PARD3B: variants seen among roughly 807,000 people sequenced by gnomAD.
The protein encoded by PARD3B is par-3 family cell polarity regulator beta.
Under a neutral mutation model 130.2 loss-of-function variants are expected in PARD3B, and 103 were observed. The ratio of observed to expected loss-of-function variants is 0.79; its 90% CI spans 0.67 to 0.93. The LOEUF (loss-of-function observed/expected upper bound fraction) is 0.93, where lower values mean the gene tolerates loss of function less well. Ranked by LOEUF, PARD3B falls within the 40% of genes least tolerant of loss-of-function variation. PARD3B has a pLI of 0.00. For synonymous variants in PARD3B, 583 were observed against 553.2 expected (o/e 1.05, Z -0.76); for missense variants, 1,609 against 1,499.2 (o/e 1.07, Z -1.21).
intron 19 of PARD3B, among the ~76,000 whole-genome samples, chr2:205,412,762 T>C (rs1378058130): frequency 6.6e-6 from 1 of 152,208 alleles, no homozygotes; most frequent in African/African-American, 2.4e-5. Context: ...TGGAATGCTC[T>C]TCTGTCTGAG....
At chr2:205,595,871 A>AG (rs1241486771) in intron 22 of PARD3B, among the ~76,000 whole-genome samples, 2 of 151,984 alleles carry the variant, frequency 1.3e-5, no homozygotes, top group African/African-American at 2.4e-5. Flanking sequence ...AGGTCATGGG[A>AG]GGGGGGTTAT....
intron 11 of PARD3B, among the ~76,000 whole-genome samples, chr2:205,168,072 G>A (rs1207511813): frequency 6.6e-5 from 10 of 152,112 alleles, no homozygotes; most frequent in East Asian, 1.9e-4. Context: ...AGGTTTTTTC[G>A]TTCTAAAGTG....
rs559717447 is a variant in PARD3B at position 204,934,511 on chromosome 2, A to G, written c.223-30641A>G. Reference sequence around the variant, plus strand: ...ACATGATCAATTCATTGATTACTCAATTACACTCAGTGACGTGTCCCTTGA... The same window carrying G: ...ACATGATCAATTCATTGATTACTCAGTTACACTCAGTGACGTGTCCCTTGA... On this transcript the variant is annotated intron_variant, in intron 2 of 22. Transcript: ENST00000406610. Among the ~76,000 whole-genome samples the G allele has an allele frequency of 1.2e-3, 177 of 152,300 alleles. 2 individuals carry two copies. The highest frequency in any genetic ancestry group is 4.2e-3 in the African/African-American group (173 of 41,536).
At chr2:205,200,378 C>G (rs542084249) in intron 15 of PARD3B, among the ~76,000 whole-genome samples, 2 of 152,252 alleles carry the variant, frequency 1.3e-5, no homozygotes, top group South Asian at 2.1e-4. Context: ...ACAAAGCAAA[C>G]AGACCTCTTT....
intron 2 of PARD3B, among the ~76,000 whole-genome samples, chr2:204,905,350 A>G (rs945831586): frequency 6.6e-6 from 1 of 152,204 alleles, no homozygotes; most frequent in African/African-American, 2.4e-5. Context: ...GAGGAGAACC[A>G]GAGAGCAGGG....
intron 14 of PARD3B, among the ~76,000 whole-genome samples, chr2:205,190,601 G>A (rs1275408955): frequency 1.3e-5 from 2 of 152,192 alleles, no homozygotes; most frequent in Non-Finnish European, 2.9e-5. Context: ...TCTGGTCCCA[G>A]CTTTGCCCCT....
chr2:205,221,864 C>T (rs2038257365), intron 15 of PARD3B, among the ~76,000 whole-genome samples: 2 of 152,048 alleles, frequency 1.3e-5, no homozygotes, highest in South Asian at 4.1e-4. Context: ...CTTATTATAA[C>T]TCTTATTTCT....
intron 2 of PARD3B, among the ~76,000 whole-genome samples, chr2:204,955,658 G>T (rs147744393): frequency 6.6e-6 from 1 of 152,076 alleles, no homozygotes; most frequent in Non-Finnish European, 1.5e-5. Context: ...TGTAAAATGG[G>T]AATAACAGTG....
In PARD3B at chr2:205,589,903, T is replaced by C. The variant is rs1420717944; in HGVS notation, c.3261-25553T>C. ...GCACAGCTGAAAGAGGGAGTTCTTC[T>C]AGGTCTTTTGCTTTTCATTTTCTCT... is the stretch of plus-strand genomic sequence containing the variant. On this transcript the variant is annotated intron_variant, in intron 22 of 22. Transcript: ENST00000406610. This position sits in a 1 kb window ranked among gnomAD's most constrained non-coding sequence, Gnocchi z 4.1. 6.6e-6 allele frequency among the ~76,000 whole-genome samples: 1 copy of C among 152,132 alleles called. No homozygotes were observed. Among genetic ancestry groups the C allele is most frequent in the Non-Finnish European group, 1.5e-5 (1 of 68,028 alleles).
At chr2:205,349,530 C>T (rs1017340786) in intron 18 of PARD3B, among the ~76,000 whole-genome samples, 1 of 152,086 alleles carries the variant, frequency 6.6e-6, no homozygotes, top group Non-Finnish European at 1.5e-5. Flanking sequence ...ATGCAAACAT[C>T]ACTACAACAC....
chr2:204,563,257 C>CTCTCTCTCTCTCTCTCTCTCTT (rs1553542030), intron 1 of PARD3B, among the ~76,000 whole-genome samples: 14 of 142,662 alleles, frequency 9.8e-5, no homozygotes, highest in African/African-American at 3.5e-4. Context: ...CTCTCTCTCT[C>CTCTCTCTCTCTCTCTCTCTCTT]TCTCTCTCTT....
intron 2 of PARD3B, among the ~76,000 whole-genome samples, chr2:204,744,249 G>A (rs981771244): frequency 1.4e-4 from 21 of 152,072 alleles, no homozygotes; most frequent in Admixed American, 1.2e-3. Flanking sequence ...TCCTGTATCC[G>A]ACAGACTGTG....
chr2:204,967,056 T>G lies in PARD3B; in HGVS notation c.394+1733T>G, dbSNP rs1380598313. 6.6e-6 allele frequency among the ~76,000 whole-genome samples: 1 copy of G among 152,214 alleles called. No homozygotes were observed. The highest frequency in any genetic ancestry group is 1.5e-5 in the Non-Finnish European group (1 of 68,036). On this transcript the variant is annotated intron_variant, in intron 3 of 22. Coordinates refer to ENST00000406610, the MANE Select transcript of PARD3B (RefSeq NM_001302769.2). The surrounding 1 kb of genome is among the most constrained non-coding windows in gnomAD (Gnocchi z 4.4). Reference sequence around the variant, plus strand: ...AGAAACCATTTTGCTGTGCTGCCTCTGACATGCAATTCCTAAAACAACCAA... The same window carrying G: ...AGAAACCATTTTGCTGTGCTGCCTCGGACATGCAATTCCTAAAACAACCAA...
intron 4 of PARD3B, among the ~76,000 whole-genome samples, chr2:205,093,446 A>G (rs951242735): frequency 2.6e-5 from 4 of 152,276 alleles, no homozygotes; most frequent in Admixed American, 2.0e-4. Flanking sequence ...TGCACATGGC[A>G]TGAAAGTGGC....
intron 20 of PARD3B, among the ~76,000 whole-genome samples, chr2:205,452,545 T>C (rs1239180881): frequency 1.3e-5 from 2 of 152,166 alleles, no homozygotes; most frequent in Non-Finnish European, 1.5e-5. Flanking sequence ...CATATTACCA[T>C]CAATTTTTAA....
In PARD3B at chr2:205,473,323, T is replaced by A. The variant is rs1473289201; in HGVS notation, c.3045-26573T>A. On this transcript the variant is annotated intron_variant, in intron 20 of 22. Transcript: ENST00000406610. This position sits in a 1 kb window ranked among gnomAD's most constrained non-coding sequence, Gnocchi z 4.9. ...TAGGTTAATTTTTCATGGATCGTTA[T>A]GAAAAATATAAACAAACTTAAAATT... is the stretch of plus-strand genomic sequence containing the variant. 6.6e-6 allele frequency among the ~76,000 whole-genome samples: 1 copy of A among 152,110 alleles called. No homozygotes were observed.
At chr2:205,377,494 AG>A (rs1436025485) in intron 18 of PARD3B, among the ~76,000 whole-genome samples, 1 of 152,014 alleles carries the variant, frequency 6.6e-6, no homozygotes, top group East Asian at 1.9e-4. Flanking sequence ...GATGAGAGGG[AG>A]GGAAGAGGGA....
intron 2 of PARD3B, among the ~76,000 whole-genome samples, chr2:204,717,756 G>C (rs1450980417): frequency 6.6e-6 from 1 of 152,190 alleles, no homozygotes. Flanking sequence ...TATCTGGAGA[G>C]ATGGCCAGGA....
At chr2:204,703,573 A>G (rs879325262) in intron 2 of PARD3B, among the ~76,000 whole-genome samples, 2 of 152,220 alleles carry the variant, frequency 1.3e-5, no homozygotes, top group Non-Finnish European at 2.9e-5. Flanking sequence ...TTTGAATTTC[A>G]GGAGCAGACA....
Sources: gnomAD v4.1 joint callset for allele counts (sites outside exome capture counted in the v4.1 genomes callset) on GRCh38, gnomAD v4.1.1 for gene constraint, Gnocchi (gnomAD v3.1) non-coding constraint, MANE v1.5 for transcripts, NCBI Gene and HGNC (gene_info 2026-07-23, HGNC 2026-07-21) for gene names.